ENTREP2: variants seen among roughly 807,000 people sequenced by gnomAD.
The protein encoded by ENTREP2 is endosomal transmembrane epsin interactor 2.
chr15:29,364,167 C>T, the ENTREP2 span, among the ~76,000 whole-genome samples: 4 of 152,246 alleles, frequency 2.6e-5, no homozygotes, highest in African/African-American at 4.8e-5. Context: ...CTACGTCTTA[C>T]GTTGTACTGC....
At chr15:29,137,097 G>C in the ENTREP2 span, 19 of 1,465,600 alleles carry the variant, frequency 1.3e-5, no homozygotes, top group Middle Eastern at 1.8e-4. Context: ...AGGCGGGAGT[G>C]GGGGGATGAA....
chr15:29,569,669 C>T, the ENTREP2 span: 1 of 152,230 alleles, frequency 6.6e-6, no homozygotes, highest in Non-Finnish European at 1.5e-5. Context: ...AAAAAACCGA[C>T]TTTCATCAAA....
At chr15:29,435,602 G>A in the ENTREP2 span, among the ~76,000 whole-genome samples, 2 of 151,998 alleles carry the variant, frequency 1.3e-5, no homozygotes, top group South Asian at 4.2e-4. Context: ...CTCTGTGGGA[G>A]GGAAAGGTGG....
chr15:29,153,046 C>T, the ENTREP2 span, among the ~76,000 whole-genome samples: 36 of 152,110 alleles, frequency 2.4e-4, no homozygotes, highest in African/African-American at 6.5e-4. Flanking sequence ...CTAATGATGT[C>T]GAACATCTTT....
the ENTREP2 span, among the ~76,000 whole-genome samples, chr15:29,484,288 G>A: frequency 1.3e-5 from 2 of 152,038 alleles, no homozygotes; most frequent in Admixed American, 1.3e-4. Context: ...GACTACAAGT[G>A]GATTTAGGGG....
the ENTREP2 span, among the ~76,000 whole-genome samples, chr15:29,529,032 C>T: frequency 6.6e-6 from 1 of 150,748 alleles, no homozygotes; most frequent in East Asian, 2.0e-4. Context: ...TCTAGCCCCT[C>T]CCCAGCCACT....
chr15:29,602,109 C>A, the ENTREP2 span, among the ~76,000 whole-genome samples: 1 of 152,190 alleles, frequency 6.6e-6, no homozygotes, highest in African/African-American at 2.4e-5. Context: ...CATGCTTAAT[C>A]AGAACCACGA....
At chr15:29,306,234 A>T in the ENTREP2 span, among the ~76,000 whole-genome samples, 1 of 152,236 alleles carries the variant, frequency 6.6e-6, no homozygotes, top group African/African-American at 2.4e-5. Flanking sequence ...TTCAGCATAG[A>T]CAGGAACCTG....
the ENTREP2 span, among the ~76,000 whole-genome samples, chr15:29,454,890 T>C: frequency 6.6e-6 from 1 of 152,222 alleles, no homozygotes; most frequent in Non-Finnish European, 1.5e-5. Flanking sequence ...TGATTTGCTA[T>C]GCAGCAGGAG....
the ENTREP2 span, among the ~76,000 whole-genome samples, chr15:29,669,076 C>G: frequency 6.6e-6 from 1 of 152,190 alleles, no homozygotes; most frequent in African/African-American, 2.4e-5. Flanking sequence ...CGTGGTGGCA[C>G]ATGCCTGTAA....
the ENTREP2 span, among the ~76,000 whole-genome samples, chr15:29,625,701 G>A: frequency 1.3e-5 from 2 of 151,886 alleles, no homozygotes; most frequent in African/African-American, 2.4e-5. Context: ...GGTTGTACAT[G>A]CCTAGTTTTT....
At chr15:29,452,008 T>A in the ENTREP2 span, among the ~76,000 whole-genome samples, 1 of 152,248 alleles carries the variant, frequency 6.6e-6, no homozygotes, top group African/African-American at 2.4e-5. Flanking sequence ...CTGAAAAAAA[T>A]GTTCTAGACC....
chr15:29,417,187 C>T, the ENTREP2 span, among the ~76,000 whole-genome samples: 5 of 152,192 alleles, frequency 3.3e-5, no homozygotes, highest in African/African-American at 1.2e-4. Flanking sequence ...TATAAAGACA[C>T]ATGCACACGT....
At chr15:29,392,972 T>C in the ENTREP2 span, among the ~76,000 whole-genome samples, 1 of 152,268 alleles carries the variant, frequency 6.6e-6, no homozygotes. Flanking sequence ...TTTAGAAAAG[T>C]TCAGTGATTA....
chr15:29,129,964 G>A, the ENTREP2 span, among the ~76,000 whole-genome samples: 1 of 152,218 alleles, frequency 6.6e-6, no homozygotes, highest in Non-Finnish European at 1.5e-5. Flanking sequence ...CTGGGAAGGT[G>A]AGGGGGGCTC....
the ENTREP2 span, chr15:29,373,870 G>A: frequency 6.6e-6 from 1 of 151,852 alleles, no homozygotes; most frequent in Non-Finnish European, 1.5e-5. Context: ...AGAAATATTA[G>A]TGAATGGAGC....
At chr15:29,504,056 C>T in the ENTREP2 span, among the ~76,000 whole-genome samples, 13 of 152,226 alleles carry the variant, frequency 8.5e-5, no homozygotes, top group East Asian at 1.2e-3. Context: ...AGAAAGTAGA[C>T]GAATGTTAAC....
At chr15:29,536,751 T>C in the ENTREP2 span, among the ~76,000 whole-genome samples, 1 of 152,128 alleles carries the variant, frequency 6.6e-6, no homozygotes, top group African/African-American at 2.4e-5. Flanking sequence ...ACTGGTGTCC[T>C]TATAAAAAGG....
At chr15:29,198,826 T>G in the ENTREP2 span, among the ~76,000 whole-genome samples, 9 of 152,252 alleles carry the variant, frequency 5.9e-5, no homozygotes, top group African/African-American at 2.2e-4. Flanking sequence ...TAGTTTCACC[T>G]GGTTTTCTAA....
Sources: gnomAD v4.1 joint callset for allele counts (sites outside exome capture counted in the v4.1 genomes callset) on GRCh38, gnomAD v4.1.1 for gene constraint, MANE v1.5 for transcripts, NCBI Gene and HGNC (gene_info 2026-07-23, HGNC 2026-07-21) for gene names.